MYH11: variants seen among roughly 807,000 people sequenced by gnomAD.
The protein encoded by MYH11 is myosin heavy chain 11.
Under a neutral mutation model 246.6 loss-of-function variants are expected in MYH11, and 80 were observed. That is an observed-to-expected ratio of 0.32 (90% CI 0.27 to 0.39). MYH11 has a LOEUF of 0.39. Ranked by LOEUF, MYH11 falls within the 10% of genes least tolerant of loss-of-function variation. The pLI, the probability that MYH11 is intolerant of heterozygous loss-of-function variation, is 1.00. For missense variants in MYH11, 2,158 were observed against 2,546.8 expected, an observed-to-expected ratio of 0.85 and a Z score of 3.29; for synonymous variants, 1,071 against 1,015.5, an observed-to-expected ratio of 1.05 and a Z score of -1.04.
At position 15,771,687 on chromosome 16, in the gene MYH11, G is replaced by A. The variant is rs2042105489; in HGVS notation, c.915C>T (p.Asn305=). ...MRSDLLLEGF[N]NYTFLSNGFV... is the part of the protein sequence containing the mutation. ...AGCCATTGGAGAGGAAGGTGTAGTT[G>A]TTGAAGCCCTCCAAAAGCAAGTCAC... is the stretch of plus-strand genomic sequence containing the variant. Residue 305 remains asparagine, a synonymous_variant, in exon 9 of 41, where the codon AAC becomes AAT. Transcript: ENST00000300036. The A allele has an allele frequency of 6.2e-7, 1 of 1,614,144 alleles. No homozygotes were observed. Among genetic ancestry groups the A allele is most frequent in the Non-Finnish European group, 8.5e-7 (1 of 1,180,044 alleles).
intron 10 of MYH11, among the ~76,000 whole-genome samples, chr16:15,761,513 A>AT (rs2041867052): frequency 6.6e-6 from 1 of 152,150 alleles, no homozygotes. Flanking sequence ...CTTCTAGGAT[A>AT]TGTGTTGCAG....
chr16:15,843,802 C>G lies in MYH11; in HGVS notation c.-17-5533G>C, dbSNP rs370500269. Among the ~76,000 whole-genome samples the G allele has an allele frequency of 1.4e-4, 21 of 152,186 alleles. No homozygotes were observed. In the East Asian group the frequency reaches 2.1e-3, roughly 15 times the overall value. On this transcript the variant is annotated intron_variant, in intron 1 of 40. Coordinates refer to ENST00000300036, the MANE Select transcript of MYH11 (RefSeq NM_002474.3). ...ATTAGGCCAATGGGGCTCACATTTCCTGGTGCATTAGCTTCTGAGTCAGTA... is the reference window on the plus strand; with the variant it reads ...ATTAGGCCAATGGGGCTCACATTTCGTGGTGCATTAGCTTCTGAGTCAGTA...
At chr16:15,708,697 G>T in intron 40 of MYH11, 1 of 1,225,806 alleles carries the variant, frequency 8.2e-7, no homozygotes, top group Non-Finnish European at 1.2e-6. Context: ...AGAATCTCGT[G>T]GAAATGTGCA....
chr16:15,710,429 G>A lies in MYH11; in HGVS notation c.5786+4480C>T, dbSNP rs553901923. On this transcript the variant is annotated intron_variant, in intron 40 of 40. Transcript: ENST00000300036. ...TCAGCTACTTGGGAGGCTGAGGCAG[G>A]AGAATCGCTTGAACCTGGGAGGCAA... Among the ~76,000 whole-genome samples, 3 of 152,306 alleles carry A rather than the reference G, an allele frequency of 2.0e-5. No homozygotes were observed. The South Asian group carries it at 6.2e-4, about 32-fold the overall frequency.
At chr16:15,807,324 T>C (rs2043037077) in intron 3 of MYH11, among the ~76,000 whole-genome samples, 1 of 151,990 alleles carries the variant, frequency 6.6e-6, no homozygotes, top group South Asian at 2.1e-4. Flanking sequence ...TTTTGAGAAG[T>C]TCATGACCCA....
At chr16:15,762,159 G>C (rs752439260) in intron 10 of MYH11, among the ~76,000 whole-genome samples, 12 of 152,276 alleles carry the variant, frequency 7.9e-5, no homozygotes, top group Admixed American at 7.2e-4. Flanking sequence ...ATTTTTAGTA[G>C]AGATGGGGTT....
chr16:15,707,271 T>C (rs186930937), intron 40 of MYH11, among the ~76,000 whole-genome samples: 18 of 152,192 alleles, frequency 1.2e-4, no homozygotes, highest in African/African-American at 4.3e-4. Flanking sequence ...TCAAGTTATC[T>C]GCCCGCCTCG....
At chr16:15,851,201 G>T (rs1046689961) in intron 1 of MYH11, among the ~76,000 whole-genome samples, 12 of 152,140 alleles carry the variant, frequency 7.9e-5, no homozygotes, top group Non-Finnish European at 1.5e-5. Flanking sequence ...GTGTAGGGAG[G>T]CATCAAATGT....
At chr16:15,725,122 A>G (rs1194979508) in intron 28 of MYH11, 130 bp from the exon 29 acceptor site, 1 of 668,766 alleles carries the variant, frequency 1.5e-6, no homozygotes, top group African/African-American at 1.9e-5. Flanking sequence ...CCCGTGAGGT[A>G]TGGGACTCTG....
At chr16:15,802,560 C>T (rs564215410) in intron 3 of MYH11, among the ~76,000 whole-genome samples, 2 of 152,208 alleles carry the variant, frequency 1.3e-5, no homozygotes, top group Non-Finnish European at 2.9e-5. Context: ...GCAATCCTCC[C>T]TCTTCGGCCT....
chr16:15,723,950 C>T (rs2040613407), intron 31 of MYH11, among the ~76,000 whole-genome samples: 1 of 152,214 alleles, frequency 6.6e-6, no homozygotes, highest in African/African-American at 2.4e-5. Flanking sequence ...AGAAAAGTCA[C>T]AGTCATCAAG....
chr16:15,709,772 C>G (rs549542764), intron 40 of MYH11, among the ~76,000 whole-genome samples: 6 of 152,196 alleles, frequency 3.9e-5, no homozygotes, highest in Non-Finnish European at 7.3e-5. Flanking sequence ...AAGTCCCAGG[C>G]AAGGAACCTG....
intron 2 of MYH11, among the ~76,000 whole-genome samples, chr16:15,836,028 G>A (rs1216079217): frequency 6.6e-6 from 1 of 152,112 alleles, no homozygotes; most frequent in African/African-American, 2.4e-5. Flanking sequence ...GGGATTACAG[G>A]CATGAGCCAC....
chr16:15,835,839 G>T (rs555590103), intron 2 of MYH11, among the ~76,000 whole-genome samples: 1 of 148,162 alleles, frequency 6.7e-6, no homozygotes, highest in East Asian at 2.0e-4. Context: ...CTGCAGCCTT[G>T]AACTCCTGGG....
At chr16:15,741,179 G>C in intron 22 of MYH11, 2 of 578,022 alleles carry the variant, frequency 3.5e-6, no homozygotes, top group African/African-American at 1.9e-5. Context: ...GGCATGTTTT[G>C]TTATGTAGCA....
rs572126268 is a variant in MYH11, at chr16:15,843,828, G to A, written c.-17-5559C>T. Among the ~76,000 whole-genome samples, 4 of 152,270 alleles carry A rather than the reference G, an allele frequency of 2.6e-5. No individual in the cohort carries two copies. The South Asian group carries it at 8.3e-4, about 32-fold the overall frequency. ...TGGTGCATTAGCTTCTGAGTCAGTAGGACTGGGATGGGGCCCAAGAATATG... is the reference window on the plus strand; with the variant it reads ...TGGTGCATTAGCTTCTGAGTCAGTAAGACTGGGATGGGGCCCAAGAATATG... On this transcript the variant is annotated intron_variant, in intron 1 of 40. Transcript: ENST00000300036.
intron 10 of MYH11, 55 bp downstream of exon 10, chr16:15,763,741 T>TCCGGGGGCCCCCCCCCCCC: frequency 1.5e-6 from 1 of 646,862 alleles, no homozygotes; most frequent in Non-Finnish European, 2.9e-6. Context: ...AAATGTCACC[T>TCCGGGGGCCCCCCCCCCCC]CCCCCACCCC....
chr16:15,740,243 T>C, intron 22 of MYH11, 55 bp from the exon 23 acceptor site: 3 of 1,612,334 alleles, frequency 1.9e-6, no homozygotes, highest in Non-Finnish European at 2.5e-6. Flanking sequence ...TTTACTCTCG[T>C]GGTGATCTGG....
intron 1 of MYH11, among the ~76,000 whole-genome samples, chr16:15,853,471 A>G (rs2044380959): frequency 1.3e-5 from 2 of 152,178 alleles, no homozygotes; most frequent in South Asian, 4.2e-4. Context: ...CTTTCCTAGC[A>G]ACTTTGATGA....
Sources: gnomAD v4.1 joint callset for allele counts (sites outside exome capture counted in the v4.1 genomes callset) on GRCh38, gnomAD v4.1.1 for gene constraint, MANE v1.5 for transcripts, NCBI Gene and HGNC (gene_info 2026-07-23, HGNC 2026-07-21) for gene names.